ITPR2: variants seen among roughly 807,000 people sequenced by gnomAD.
ITPR2 encodes the protein inositol 1,4,5-trisphosphate-gated calcium channel ITPR2.
ITPR2 carries 207 observed loss-of-function variants against 317.1 expected under a neutral mutation model. The ratio of observed to expected loss-of-function variants is 0.65; its 90% confidence interval spans 0.58 to 0.73. ITPR2 has a LOEUF of 0.73. Ranked by LOEUF, ITPR2 falls within the 30% of genes least tolerant of loss-of-function variation. The probability of loss-of-function intolerance (pLI) is 0.00; values close to 1 mark genes in which losing one functional copy is unlikely to be tolerated. For synonymous variants in ITPR2, 1,156 were observed against 1,149.1 expected (o/e 1.01, Z -0.12); for missense variants, 2,613 against 3,284.0 (o/e 0.80, Z 4.99).
chr12:26,607,473 T>C (rs1946161132), intron 26 of ITPR2, among the ~76,000 whole-genome samples: 1 of 152,158 alleles, frequency 6.6e-6, no homozygotes, highest in South Asian at 2.1e-4. Context: ...CATCTAATGA[T>C]AACATCATGT....
chr12:26,463,027 A>C (rs1001154371), intron 45 of ITPR2, among the ~76,000 whole-genome samples: 1 of 152,174 alleles, frequency 6.6e-6, no homozygotes, highest in African/African-American at 2.4e-5. Flanking sequence ...TAATCAATAA[A>C]TATTATATGC....
intron 39 of ITPR2, among the ~76,000 whole-genome samples, chr12:26,489,682 A>G (rs1170098352): frequency 2.0e-5 from 3 of 152,220 alleles, no homozygotes; most frequent in Admixed American, 6.5e-5. Context: ...AAATTGTAAT[A>G]TAAGTACCTC....
At chr12:26,563,559 A>C (rs1401315571) in intron 34 of ITPR2, among the ~76,000 whole-genome samples, 2 of 152,146 alleles carry the variant, frequency 1.3e-5, no homozygotes, top group Non-Finnish European at 2.9e-5. Flanking sequence ...CATCTAAAAA[A>C]AAAAAAGATA....
At chr12:26,652,154 C>G (rs1196908417) in intron 21 of ITPR2, among the ~76,000 whole-genome samples, 6 of 152,140 alleles carry the variant, frequency 3.9e-5, no homozygotes, top group Admixed American at 3.9e-4. Context: ...TTTCTCTTCC[C>G]CAGTTTCTCC....
chr12:26,344,345 G>T (rs903059390), intron 55 of ITPR2, among the ~76,000 whole-genome samples: 1 of 152,144 alleles, frequency 6.6e-6, no homozygotes, highest in African/African-American at 2.4e-5. Flanking sequence ...TTGGGGCAGG[G>T]GGATTTGGGA....
chr12:26,524,767 A>G (rs1943765481), intron 37 of ITPR2, among the ~76,000 whole-genome samples: 1 of 152,252 alleles, frequency 6.6e-6, no homozygotes, highest in African/African-American at 2.4e-5. Context: ...CTCCACCAAC[A>G]TTACAATATT....
chr12:26,751,997 G>T (rs548109987), intron 2 of ITPR2, among the ~76,000 whole-genome samples: 4 of 152,134 alleles, frequency 2.6e-5, no homozygotes, highest in Non-Finnish European at 5.9e-5. Context: ...TCTTGAGTGG[G>T]TCAATGCATA....
At chr12:26,825,212 G>A (rs1021865530) in intron 1 of ITPR2, among the ~76,000 whole-genome samples, 6 of 152,146 alleles carry the variant, frequency 3.9e-5, no homozygotes, top group South Asian at 2.1e-4. Context: ...CAACCTGGAC[G>A]ATAGAGCAAG....
At chr12:26,764,667 A>G (rs952638972) in intron 2 of ITPR2, among the ~76,000 whole-genome samples, 1 of 151,978 alleles carries the variant, frequency 6.6e-6, no homozygotes, top group Non-Finnish European at 1.5e-5. Context: ...TATCCTAACT[A>G]TCAGAATCAC....
At chr12:26,689,034 T>C (rs976876412) in intron 10 of ITPR2, among the ~76,000 whole-genome samples, 1 of 152,236 alleles carries the variant, frequency 6.6e-6, no homozygotes, top group Non-Finnish European at 1.5e-5. Flanking sequence ...ACATGATGGA[T>C]ACGTTAATTT....
At chr12:26,417,972 C>G (rs570794437) in intron 50 of ITPR2, among the ~76,000 whole-genome samples, 7 of 152,194 alleles carry the variant, frequency 4.6e-5, no homozygotes, top group African/African-American at 1.7e-4. Context: ...TGAACTTTTT[C>G]TGGTGAATCA....
intron 55 of ITPR2, among the ~76,000 whole-genome samples, chr12:26,372,201 C>T (rs910811229): frequency 6.6e-6 from 1 of 152,144 alleles, no homozygotes; most frequent in South Asian, 2.1e-4. Context: ...ATTATTATTT[C>T]TCATTAGGCC....
chr12:26,456,288 C>T (rs1328638047), intron 45 of ITPR2, among the ~76,000 whole-genome samples: 1 of 152,218 alleles, frequency 6.6e-6, no homozygotes, highest in East Asian at 1.9e-4. Context: ...CCTTACTGCT[C>T]ATTATACACT....
At position 26,436,210 on chromosome 12, in the gene ITPR2, C is replaced by T. The variant is rs746099102; in HGVS notation, c.6769+11G>A. ...AAAATATTTATATTTTAAGGAAAAA[C>T]GAGCACTTGCCTTCATCTCCATCAT... is the stretch of plus-strand genomic sequence containing the variant. On this transcript the variant is annotated intron_variant, in intron 48 of 56. Transcript: ENST00000381340. 1.8e-5 allele frequency: 28 copies of T among 1,561,114 alleles called. No individual in the cohort carries two copies. Among genetic ancestry groups the T allele is most frequent in the African/African-American group, 2.8e-5 (2 of 72,182 alleles).
rs1942655788 is a variant in ITPR2 at position 26,486,000 on chromosome 12, T to A, written c.5811+104A>T. The A allele has an allele frequency of 2.4e-6, 3 of 1,251,910 alleles. No homozygotes were observed. In the African/African-American group the frequency reaches 4.5e-5, roughly 19 times the overall value. The allele number at this position is 1,251,910 out of a possible 1,614,324, so 77.6% of individuals were successfully genotyped here. A position where few individuals can be genotyped will look rare whatever the true frequency, so the allele number is the denominator to read the frequency against. On this transcript the variant is annotated intron_variant, in intron 41 of 56. Coordinates refer to ENST00000381340, the MANE Select transcript of ITPR2 (RefSeq NM_002223.4). Reference sequence around the variant, plus strand: ...GGAGCACTATTGCTTTTATTGATTATCTTTCTAAAATGCTCTCCGAAACTA... The same window carrying A: ...GGAGCACTATTGCTTTTATTGATTAACTTTCTAAAATGCTCTCCGAAACTA...
At chr12:26,820,046 G>C (rs1950915976) in intron 1 of ITPR2, among the ~76,000 whole-genome samples, 3 of 152,126 alleles carry the variant, frequency 2.0e-5, no homozygotes, top group Non-Finnish European at 4.4e-5. Flanking sequence ...ACTCCAGCCT[G>C]GGTGACAGCA....
At chr12:26,766,792 T>C (rs1384307554) in intron 2 of ITPR2, among the ~76,000 whole-genome samples, 1 of 152,192 alleles carries the variant, frequency 6.6e-6, no homozygotes, top group African/African-American at 2.4e-5. Context: ...AGTTAATTTT[T>C]TGTAGGGTCC....
intron 37 of ITPR2, among the ~76,000 whole-genome samples, chr12:26,531,569 T>G (rs895760982): frequency 6.6e-6 from 1 of 152,212 alleles, no homozygotes; most frequent in African/African-American, 2.4e-5. Context: ...TCCAGAATAA[T>G]GTATCTCAGA....
chr12:26,768,435 T>A (rs1371200711), intron 2 of ITPR2, among the ~76,000 whole-genome samples: 54 of 27,570 alleles, frequency 2.0e-3, no homozygotes, highest in East Asian at 4.2e-3. Context: ...TAAAAAAAAA[T>A]AAAAAATAAA....
Sources: allele counts gnomAD v4.1 joint callset (sites outside exome capture counted in the v4.1 genomes callset), GRCh38; gene constraint gnomAD v4.1.1; transcripts MANE v1.5; gene names NCBI Gene and HGNC (gene_info 2026-07-23, HGNC 2026-07-21).